The following SLC25A25 variants were observed in gnomAD, a reference collection of about 807,000 sequenced individuals.
SLC25A25 encodes the protein mitochondrial adenyl nucleotide antiporter SLC25A25.
Under a neutral mutation model 57.7 loss-of-function variants are expected in SLC25A25, and 32 were observed. That is an observed-to-expected ratio of 0.55 (90% CI 0.42 to 0.74). SLC25A25 has a LOEUF of 0.74. Among genes scored for constraint, SLC25A25 ranks in the 30% least tolerant of loss-of-function variants. SLC25A25 has a pLI of 0.00. For missense variants in SLC25A25, 556 were observed against 701.3 expected (o/e 0.79, Z 2.34); for synonymous variants, 306 against 291.2 (o/e 1.05, Z -0.52).
At chr9:128,070,832 T>C (rs1832889810) in intron 1 of SLC25A25, among the ~76,000 whole-genome samples, 1 of 151,266 alleles carries the variant, frequency 6.6e-6, no homozygotes, top group Admixed American at 6.6e-5. Flanking sequence ...ATGCCTGTAA[T>C]TCCAGTACTC....
In SLC25A25 at chr9:128,101,855, C is replaced by T. The variant is rs1318314747; in HGVS notation, c.477-225C>T. On this transcript the variant is annotated intron_variant, in intron 3 of 10. Coordinates refer to ENST00000373069, the MANE Select transcript of SLC25A25 (RefSeq NM_001330988.2). This position sits in a 1 kb window ranked among gnomAD's most constrained non-coding sequence, Gnocchi z 4.9. ...CTGCCAGGAAATCTCATGGAACAGC[C>T]CTGGGAGTTGCCGTCTGTCCTGGCT... Among the ~76,000 whole-genome samples the T allele has an allele frequency of 1.3e-5, 2 of 152,164 alleles. No individual in the cohort carries two copies. Among genetic ancestry groups the T allele is most frequent in the African/African-American group, 4.8e-5 (2 of 41,430 alleles).
chr9:128,084,117 C>G (rs868457113), intron 1 of SLC25A25, among the ~76,000 whole-genome samples: 1 of 152,132 alleles, frequency 6.6e-6, no homozygotes, highest in Non-Finnish European at 1.5e-5. Flanking sequence ...CACCAACCAA[C>G]TGAATGGACC....
intron 1 of SLC25A25, among the ~76,000 whole-genome samples, chr9:128,080,607 T>C (rs1324262749): frequency 1.3e-5 from 2 of 151,732 alleles, no homozygotes; most frequent in African/African-American, 4.8e-5. Flanking sequence ...GTATTTTTAA[T>C]AGAGATGAGG....
At chr9:128,100,885 G>A in intron 1 of SLC25A25, 1 of 608,044 alleles carries the variant, frequency 1.6e-6, no homozygotes, top group South Asian at 2.0e-5. Context: ...CCTTGCCTGG[G>A]TTCTGGCCAG....
intron 1 of SLC25A25, among the ~76,000 whole-genome samples, chr9:128,082,151 G>A (rs1382643931): frequency 6.6e-6 from 1 of 152,120 alleles, no homozygotes; most frequent in African/African-American, 2.4e-5. Context: ...CAAGACTGAG[G>A]GTTTTCATGC....
At position 128,099,261 on chromosome 9, in the gene SLC25A25, C is replaced by T. The variant is rs1476729596; in HGVS notation, c.262-1835C>T. On this transcript the variant is annotated intron_variant, in intron 1 of 10. Coordinates refer to ENST00000373069, the MANE Select transcript of SLC25A25 (RefSeq NM_001330988.2). This position sits in a 1 kb window ranked among gnomAD's most constrained non-coding sequence, Gnocchi z 6.8. Reference sequence around the variant, plus strand: ...CTCGGCTTCTCGGTTAATCAGTTTCCCTGCTACCCCCAGTGCCCACTGTGC... The same window carrying T: ...CTCGGCTTCTCGGTTAATCAGTTTCTCTGCTACCCCCAGTGCCCACTGTGC... 1.9e-5 allele frequency: 25 copies of T among 1,289,024 alleles called. No homozygotes were observed. Among genetic ancestry groups the T allele is most frequent in the Non-Finnish European group, 2.3e-5 (23 of 988,556 alleles). The allele number at this position is 1,289,024 out of a possible 1,614,324, so 79.8% of individuals were successfully genotyped here.
intron 1 of SLC25A25, among the ~76,000 whole-genome samples, chr9:128,071,788 T>G (rs942337111): frequency 5.9e-5 from 9 of 152,006 alleles, no homozygotes; most frequent in African/African-American, 2.2e-4. Context: ...GTGATTTCAC[T>G]GAAACCTCTG....
At position 128,098,375 on chromosome 9, in the gene SLC25A25, T is replaced by G. The variant is rs546161349; in HGVS notation, c.262-2721T>G. On this transcript the variant is annotated intron_variant, in intron 1 of 10. Transcript: ENST00000373069. ...ATGCCACCTTCTCCCCCGGGCTCTG[T>G]GTTCATTGGCTGTTGGCAGGACTTG... 9 of 1,128,066 alleles carry G rather than the reference T, an allele frequency of 8.0e-6. No homozygotes were observed. In the East Asian group the frequency reaches 2.7e-4, roughly 34 times the overall value. 69.9% of individuals were successfully genotyped at this position (1,128,066 alleles called of 1,614,324 possible).
At chr9:128,090,964 G>T (rs1833390258) in intron 1 of SLC25A25, 1 of 152,142 alleles carries the variant, frequency 6.6e-6, no homozygotes, top group African/African-American at 2.4e-5. Flanking sequence ...ACTCAGTTCG[G>T]TCTACAGACT....
chr9:128,081,791 C>T (rs1354541955), intron 1 of SLC25A25, among the ~76,000 whole-genome samples: 3 of 152,038 alleles, frequency 2.0e-5, no homozygotes, highest in African/African-American at 4.8e-5. Context: ...ATTAGCCAGG[C>T]ATGCCTGTGG....
chr9:128,100,037 G>T (rs754819886), intron 1 of SLC25A25, among the ~76,000 whole-genome samples: 5 of 152,192 alleles, frequency 3.3e-5, no homozygotes, highest in Non-Finnish European at 7.3e-5. Flanking sequence ...GGCAGGATGT[G>T]CAGGGAGGCG....
Position 128,103,674 on chromosome 9 carries a change from C to T in SLC25A25, c.625-7C>T. 6 of 1,614,194 alleles carry T rather than the reference C, an allele frequency of 3.7e-6. No individual in the cohort carries two copies. The highest frequency in any genetic ancestry group is 5.1e-6 in the Non-Finnish European group (6 of 1,180,022). On this transcript the variant is annotated splice_region_variant and splice_polypyrimidine_tract_variant and intron_variant, in intron 5 of 10. Coordinates refer to ENST00000373069, the MANE Select transcript of SLC25A25 (RefSeq NM_001330988.2). This position sits in a 1 kb window ranked among gnomAD's most constrained non-coding sequence, Gnocchi z 6.7. ...CTGAGTCAGGCTTGTGCCATCTTTC[C>T]TCACAGATCTTTGATGTGGGTGAGA...
intron 1 of SLC25A25, among the ~76,000 whole-genome samples, chr9:128,080,242 CAAAA>C (rs1405094917): frequency 2.1e-4 from 10 of 47,260 alleles, no homozygotes; most frequent in East Asian, 6.6e-4. Context: ...AAAAAAAAAA[CAAAA>C]AAACAAAAAA....
At position 128,076,332 on chromosome 9, in the gene SLC25A25, T is replaced by C. The variant is rs150696234; in HGVS notation, c.261+7752T>C. Among the ~76,000 whole-genome samples, 308 of 152,116 alleles carry C rather than the reference T, an allele frequency of 2.0e-3. 1 individual carries two copies. The highest frequency in any genetic ancestry group is 3.6e-3 in the Non-Finnish European group (247 of 67,984). On this transcript the variant is annotated intron_variant, in intron 1 of 10. Transcript: ENST00000373069. ...TTTTTGTAGAGACGGGGTTTTCCTA[T>C]GTTGCTCAGGCTGGTCTCGAACTCC... is the stretch of plus-strand genomic sequence containing the variant.
At position 128,083,264 on chromosome 9, in the gene SLC25A25, TG is replaced by T. The variant is rs766883405; in HGVS notation, c.261+14685del. ...ATAAATAAATAAAAGTGTTTTTTTT[TG>T]TTTGTTTTGGTTTGGGTTCTGGTTT... On this transcript the variant is annotated intron_variant, in intron 1 of 10. Transcript: ENST00000373069. Among the ~76,000 whole-genome samples the T allele has an allele frequency of 7.7e-3, 1,126 of 146,774 alleles. 20 individuals are homozygous for T. The highest frequency in any genetic ancestry group is 0.025 in the African/African-American group (1,000 of 40,670).
chr9:128,069,349 T>C (rs551876885), intron 1 of SLC25A25, among the ~76,000 whole-genome samples: 1 of 152,206 alleles, frequency 6.6e-6, no homozygotes, highest in Non-Finnish European at 1.5e-5. Context: ...GCAGAGGCTG[T>C]TTCTTTCCCT....
At chr9:128,091,566 A>AT in intron 1 of SLC25A25, 1 of 1,042,782 alleles carries the variant, frequency 9.6e-7, no homozygotes, top group Non-Finnish European at 1.2e-6. Flanking sequence ...TTTTTTAAAA[A>AT]AAAGCCAAAC....
Position 128,107,176 on chromosome 9 carries a change from C to A in SLC25A25, c.1360C>A (p.Gln454Lys). The A allele has an allele frequency of 6.2e-7, 1 of 1,613,856 alleles. No homozygotes were observed. The highest frequency in any genetic ancestry group is 8.5e-7 in the Non-Finnish European group (1 of 1,180,026). ...LALVRTRMQA[Q>K]ASIEGAPEVT... ...CCTAGTCAGGACCCGGATGCAGGCGCAAGGTAAGGCTGGCCCTGGACAGTC... is the reference window on the plus strand; with the variant it reads ...CCTAGTCAGGACCCGGATGCAGGCGAAAGGTAAGGCTGGCCCTGGACAGTC... The change falls in exon 10 of 11, where the codon CAA becomes AAA. Residue 454 changes from glutamine to lysine, a missense_variant. By Grantham distance (53) the Gln-to-Lys change is moderately conservative. Coordinates refer to ENST00000373069, the MANE Select transcript of SLC25A25 (RefSeq NM_001330988.2).
At chr9:128,084,209 CCCT>C (rs1387596998) in intron 1 of SLC25A25, among the ~76,000 whole-genome samples, 2 of 151,442 alleles carry the variant, frequency 1.3e-5, no homozygotes, top group Non-Finnish European at 2.9e-5. Flanking sequence ...CCTAATTATA[CCCT>C]CCTCTCTGCA....
Sources: allele counts gnomAD v4.1 joint callset (sites outside exome capture counted in the v4.1 genomes callset), GRCh38; gene constraint gnomAD v4.1.1; non-coding constraint Gnocchi (gnomAD v3.1); transcripts MANE v1.5; gene names NCBI Gene and HGNC (gene_info 2026-07-23, HGNC 2026-07-21).